SNX29: variants seen among roughly 807,000 people sequenced by gnomAD.
The protein encoded by SNX29 is sorting nexin 29.
SNX29 carries 78 observed loss-of-function variants against 102.1 expected under a neutral mutation model. The observed-to-expected ratio is 0.76, with a 90% CI of 0.64 to 0.92. SNX29 has a LOEUF of 0.92. Ranked by LOEUF, SNX29 falls within the 40% of genes least tolerant of loss-of-function variation. The pLI, the probability that SNX29 is intolerant of heterozygous loss-of-function variation, is 0.00. For missense variants in SNX29, 1,280 were observed against 1,061.7 expected, an observed-to-expected ratio of 1.21 and a Z score of -2.86; for synonymous variants, 580 against 414.5, an observed-to-expected ratio of 1.40 and a Z score of -4.85.
chr16:12,564,912 G>T (rs1415259051), intron 20 of SNX29, among the ~76,000 whole-genome samples: 4 of 138,428 alleles, frequency 2.9e-5, no homozygotes, highest in African/African-American at 8.4e-5. Flanking sequence ...TCTGCAGCAG[G>T]GACTGGAGGG....
At chr16:12,468,768 G>C (rs2087196872) in intron 18 of SNX29, among the ~76,000 whole-genome samples, 1 of 152,202 alleles carries the variant, frequency 6.6e-6, no homozygotes, top group South Asian at 2.1e-4. Context: ...TCTGCCTGGG[G>C]GACAGCGGGG....
At chr16:12,320,723 C>T (rs948015716) in intron 15 of SNX29, among the ~76,000 whole-genome samples, 20 of 152,066 alleles carry the variant, frequency 1.3e-4, no homozygotes, top group African/African-American at 2.7e-4. Context: ...TAAATGAGGC[C>T]GATAAGAGAA....
At chr16:12,250,194 G>A (rs1395112919) in intron 14 of SNX29, among the ~76,000 whole-genome samples, 1 of 152,242 alleles carries the variant, frequency 6.6e-6, no homozygotes, top group African/African-American at 2.4e-5. Context: ...CATGTGCAAA[G>A]GCCCAGAGAC....
chr16:12,161,259 T>C (rs1437399255), intron 13 of SNX29, among the ~76,000 whole-genome samples: 1 of 152,248 alleles, frequency 6.6e-6, no homozygotes, highest in Non-Finnish European at 1.5e-5. Flanking sequence ...CCCTCGGATT[T>C]TCTTTCCAGC....
At chr16:12,215,092 A>G (rs1167951483) in intron 14 of SNX29, among the ~76,000 whole-genome samples, 1 of 152,186 alleles carries the variant, frequency 6.6e-6, no homozygotes, top group African/African-American at 2.4e-5. Context: ...AATAATAGCC[A>G]ACATGCATTA....
At chr16:12,118,705 G>A (rs573464596) in intron 11 of SNX29, among the ~76,000 whole-genome samples, 2 of 152,246 alleles carry the variant, frequency 1.3e-5, no homozygotes, top group South Asian at 4.2e-4. Flanking sequence ...CCTCACCTGA[G>A]TTACTGCTCC....
In SNX29 at chr16:12,552,853, T is replaced by G. The variant is rs142611187; in HGVS notation, c.2319-15653T>G. ...CTGACCTGCCAGAGAGGAGAGGGTG[T>G]GGCAGATGGCAGGGCCTGGGGAGAC... On this transcript the variant is annotated intron_variant, in intron 20 of 20. Coordinates refer to ENST00000566228, the MANE Select transcript of SNX29 (RefSeq NM_032167.5). 1.1e-3 allele frequency among the ~76,000 whole-genome samples: 162 copies of G among 152,258 alleles called. 2 individuals carry two copies. The highest frequency in any genetic ancestry group is 3.6e-3 in the African/African-American group (151 of 41,538).
rs2082132468 is a variant in SNX29 at position 12,356,247 on chromosome 16, A to C, written c.1867A>C (p.Met623Leu). The C allele has an allele frequency of 1.9e-6, 3 of 1,612,102 alleles. No homozygotes were observed. The highest frequency in any genetic ancestry group is 2.5e-6 in the Non-Finnish European group (3 of 1,179,308). The change falls in exon 16 of 21, where the codon ATG becomes CTG. Residue 623 changes from methionine to leucine, a missense_variant. By Grantham distance (15) the Met-to-Leu change is conservative (BLOSUM62 2). Transcript: ENST00000566228. ...AGCCAAGGAAGCCCTCGTGTCCCAGATGAGGCAGGAGCTCATCGATCTCCG... is the reference window on the plus strand; with the variant it reads ...AGCCAAGGAAGCCCTCGTGTCCCAGCTGAGGCAGGAGCTCATCGATCTCCG... ...LVAKEALVSQ[M>L]RQELIDLRGP...
Position 12,047,419 on chromosome 16 carries a change from A to G in SNX29, c.500-953A>G, listed in dbSNP as rs191127969. Among the ~76,000 whole-genome samples the G allele has an allele frequency of 7.2e-4, 109 of 152,298 alleles. 2 individuals are homozygous for G. In the East Asian group the frequency reaches 0.02, roughly 28 times the overall value. ...GTTGTTAGTCCTGTCCATTGATGAG[A>G]AAAAGAATTTGACCATAATTTCCTT... On this transcript the variant is annotated intron_variant, in intron 6 of 20. Transcript: ENST00000566228.
chr16:12,130,746 C>G (rs2054429471), intron 13 of SNX29, among the ~76,000 whole-genome samples: 1 of 151,574 alleles, frequency 6.6e-6, no homozygotes, highest in Non-Finnish European at 1.5e-5. Context: ...TCCTCTCTTT[C>G]TTCCTTAATG....
In SNX29 at chr16:12,129,684, A is replaced by G; in HGVS notation, c.1521A>G (p.Gln507=). The part of the protein sequence containing the change: ...GEMEHSAALR[Q]EVDTLKRKVA... ...TGGAGCACTCAGCCGCGCTCCGGCA[A>G]GAGGTGGACACCTTGAAAAGGAAGG... is the stretch of plus-strand genomic sequence containing the variant. Residue 507 remains glutamine (Q), a synonymous_variant, in exon 13 of 21, where the codon CAA becomes CAG. Transcript: ENST00000566228. The G allele has an allele frequency of 6.2e-7, 1 of 1,611,356 alleles. No individual in the cohort carries two copies. The highest frequency in any genetic ancestry group is 8.5e-7 in the Non-Finnish European group (1 of 1,179,602).
At chr16:12,082,662 C>T (rs1005068249) in intron 11 of SNX29, among the ~76,000 whole-genome samples, 1 of 152,156 alleles carries the variant, frequency 6.6e-6, no homozygotes, top group Admixed American at 6.5e-5. Context: ...AAAAATGTCA[C>T]CATGTCTGCA....
At chr16:12,165,866 A>G (rs1400783445) in intron 13 of SNX29, among the ~76,000 whole-genome samples, 2 of 152,202 alleles carry the variant, frequency 1.3e-5, no homozygotes, top group African/African-American at 4.8e-5. Context: ...ACCCGGCCAG[A>G]CTTTGATTCC....
In SNX29 at chr16:12,333,487, T is replaced by A. The variant is rs117305148; in HGVS notation, c.1783-22676T>A. Among the ~76,000 whole-genome samples the A allele has an allele frequency of 1.4e-3, 208 of 152,100 alleles. 7 individuals are homozygous for A. In the East Asian group the frequency reaches 0.035, roughly 25 times the overall value. On this transcript the variant is annotated intron_variant, in intron 15 of 20. Coordinates refer to ENST00000566228, the MANE Select transcript of SNX29 (RefSeq NM_032167.5). ...GAGAAGAAAGCTGAAGCTCAGAGAT[T>A]AAGTAATTTGATCAATTACATCTGA...
chr16:12,040,043 T>G (rs1291235109), intron 4 of SNX29, among the ~76,000 whole-genome samples: 1 of 152,176 alleles, frequency 6.6e-6, no homozygotes, highest in East Asian at 1.9e-4. Context: ...GATCACAAAA[T>G]TATGTATACA....
chr16:12,359,799 T>TA lies in SNX29; in HGVS notation c.1899+3521dup, dbSNP rs560863723. On this transcript the variant is annotated intron_variant, in intron 16 of 20. Coordinates refer to ENST00000566228, the MANE Select transcript of SNX29 (RefSeq NM_032167.5). ...ATTTACTGCTAAAATATATTCACAA[T>TA]ACCATTATCACACCTATTTTTATTT... Among the ~76,000 whole-genome samples, 807 of 152,296 alleles carry TA rather than the reference T, an allele frequency of 5.3e-3. 7 individuals carry two copies. The highest frequency in any genetic ancestry group is 6.3e-3 in the Admixed American group (97 of 15,308).
chr16:12,472,526 A>G (rs1407959751), intron 18 of SNX29, among the ~76,000 whole-genome samples: 1 of 143,846 alleles, frequency 7.0e-6, no homozygotes, highest in Non-Finnish European at 1.5e-5. Context: ...CTCAAAAAAA[A>G]ACCAAAAAAA....
chr16:12,039,038 G>C (rs1465724346), intron 4 of SNX29, among the ~76,000 whole-genome samples: 1 of 152,168 alleles, frequency 6.6e-6, no homozygotes, highest in Non-Finnish European at 1.5e-5. Flanking sequence ...CGAGGGACCT[G>C]CCCTCTTGCT....
At chr16:12,462,995 G>T (rs1391173972) in intron 18 of SNX29, among the ~76,000 whole-genome samples, 1 of 152,180 alleles carries the variant, frequency 6.6e-6, no homozygotes, top group African/African-American at 2.4e-5. Flanking sequence ...CCATAGCAGT[G>T]ACTCCAGCTA....
Sources: allele counts gnomAD v4.1 joint callset (sites outside exome capture counted in the v4.1 genomes callset), GRCh38; gene constraint gnomAD v4.1.1; transcripts MANE v1.5; gene names NCBI Gene and HGNC (gene_info 2026-07-23, HGNC 2026-07-21).